The following IPO11 variants were observed in gnomAD, a reference collection of about 807,000 sequenced individuals.
IPO11 encodes the protein importin 11, also known as importin-11.
In IPO11, 66 loss-of-function variants were observed where a neutral mutation model predicts 143.2. The ratio of observed to expected loss-of-function variants is 0.46; its 90% confidence interval spans 0.38 to 0.57. The LOEUF (loss-of-function observed/expected upper bound fraction) is 0.57. Among genes scored for constraint, IPO11 ranks in the 20% least tolerant of loss-of-function variants. The probability of loss-of-function intolerance (pLI) is 0.00; values close to 1 mark genes in which losing one functional copy is unlikely to be tolerated. For missense variants in IPO11, 1,026 were observed against 1,141.0 expected (o/e 0.90, Z 1.45); for synonymous variants, 385 against 377.8 (o/e 1.02, Z -0.22).
chr5:62,567,336 G>GAC (rs891517493), intron 27 of IPO11, among the ~76,000 whole-genome samples: 12 of 151,878 alleles, frequency 7.9e-5, no homozygotes, highest in Non-Finnish European at 1.5e-4. Context: ...TTTTAGGATC[G>GAC]ACTCTTTGTG....
chr5:62,437,202 C>T (rs1033182004), intron 1 of IPO11, 72 bp from the exon 2 acceptor site: 4 of 1,234,954 alleles, frequency 3.2e-6, no homozygotes, highest in Non-Finnish European at 4.5e-6. Flanking sequence ...AGCTTTTTGT[C>T]TCCATTTATT....
At chr5:62,438,091 G>C (rs1224997338) in intron 2 of IPO11, among the ~76,000 whole-genome samples, 1 of 152,144 alleles carries the variant, frequency 6.6e-6, no homozygotes, top group Admixed American at 6.6e-5. Context: ...GGGCAACAAA[G>C]CTCCCCGTTG....
chr5:62,519,774 T>C (rs978601823), intron 20 of IPO11, among the ~76,000 whole-genome samples: 2 of 152,240 alleles, frequency 1.3e-5, no homozygotes, highest in African/African-American at 4.8e-5. Context: ...CAGAGTTTAA[T>C]GGACTGAAAT....
At chr5:62,437,516 A>G in intron 2 of IPO11, 99 bp downstream of exon 2, 1 of 1,055,666 alleles carries the variant, frequency 9.5e-7, no homozygotes, top group Non-Finnish European at 1.3e-6. Flanking sequence ...AGTGAAATAG[A>G]TTCAGATGTT....
At chr5:62,573,210 T>C (rs1239046328) in intron 27 of IPO11, among the ~76,000 whole-genome samples, 1 of 152,158 alleles carries the variant, frequency 6.6e-6, no homozygotes, top group Non-Finnish European at 1.5e-5. Context: ...TTAATTTCTC[T>C]GTCTCATTTT....
chr5:62,493,332 G>A (rs2112241538), intron 15 of IPO11, among the ~76,000 whole-genome samples: 1 of 152,170 alleles, frequency 6.6e-6, no homozygotes, highest in Non-Finnish European at 1.5e-5. Flanking sequence ...TATTTTTGGG[G>A]ACCTTTCCAG....
intron 4 of IPO11, among the ~76,000 whole-genome samples, chr5:62,450,609 T>G (rs1325003667): frequency 6.6e-6 from 1 of 151,872 alleles, no homozygotes; most frequent in East Asian, 1.9e-4. Context: ...GTAGTCTTAC[T>G]GCACAAGAAT....
rs376730561 is a variant in IPO11, at chr5:62,551,228, T to C, written c.2352T>C (p.Tyr784=). ...VFKGIIEGER[Y]PVVMSTYLGV... ...GTTGTATTTTAATTGTACAGAGGTA[T>C]CCTGTAGTGATGTCCACGTATCTTG... Residue 784 remains tyrosine, a synonymous_variant, in exon 26 of 30, where the codon TAT becomes TAC. Coordinates refer to ENST00000325324, the MANE Select transcript of IPO11 (RefSeq NM_016338.5). The C allele has an allele frequency of 2.6e-5, 41 of 1,576,444 alleles. No homozygotes were observed. Among genetic ancestry groups the C allele is most frequent in the Middle Eastern group, 1.7e-4 (1 of 5,750 alleles).
intron 2 of IPO11, among the ~76,000 whole-genome samples, chr5:62,438,775 C>T (rs1376362869): frequency 7.1e-6 from 1 of 140,866 alleles, no homozygotes; most frequent in Non-Finnish European, 1.5e-5. Context: ...GGGGGAGCAG[C>T]GGGGCCAGGT....
At chr5:62,548,890 C>G (rs1743301505) in intron 24 of IPO11, among the ~76,000 whole-genome samples, 1 of 152,050 alleles carries the variant, frequency 6.6e-6, no homozygotes, top group Admixed American at 6.6e-5. Flanking sequence ...TGCTCCCCCT[C>G]TTAAAATTTT....
At chr5:62,548,820 C>T (rs1363672700) in intron 24 of IPO11, among the ~76,000 whole-genome samples, 1 of 152,112 alleles carries the variant, frequency 6.6e-6, no homozygotes, top group Non-Finnish European at 1.5e-5. Flanking sequence ...TCAGTTTCCT[C>T]TTGAATTTCT....
At chr5:62,443,300 TG>T in intron 3 of IPO11, 1 of 430,788 alleles carries the variant, frequency 2.3e-6, no homozygotes, top group Non-Finnish European at 4.1e-6. Flanking sequence ...GCAAAAAAAG[TG>T]TTTACTACTG....
intron 29 of IPO11, among the ~76,000 whole-genome samples, chr5:62,612,730 T>C (rs1025231345): frequency 6.6e-6 from 1 of 152,262 alleles, no homozygotes; most frequent in Non-Finnish European, 1.5e-5. Flanking sequence ...TTAACCCATA[T>C]AAGCAAATAC....
chr5:62,538,839 T>C (rs1264863613), intron 24 of IPO11, among the ~76,000 whole-genome samples: 1 of 152,184 alleles, frequency 6.6e-6, no homozygotes, highest in Non-Finnish European at 1.5e-5. Context: ...CATGACTGTG[T>C]TTTTATTCAC....
Position 62,467,004 on chromosome 5 carries a change from T to G in IPO11, c.517-127T>G. ...ATGAAACATTGCCACAAATATTCTT[T>G]GACTATTTCAGATCTCTCAGAAAAT... On this transcript the variant is annotated intron_variant, in intron 5 of 29. Coordinates refer to ENST00000325324, the MANE Select transcript of IPO11 (RefSeq NM_016338.5). 3 of 838,250 alleles carry G rather than the reference T, an allele frequency of 3.6e-6. No individual in the cohort carries two copies. In the South Asian group the frequency reaches 5.8e-5, roughly 16 times the overall value. 51.9% of individuals were successfully genotyped at this position (838,250 alleles called of 1,614,324 possible).
intron 27 of IPO11, among the ~76,000 whole-genome samples, chr5:62,586,759 AAAAAAAAAAAT>A (rs1195385663): frequency 3.5e-4 from 32 of 91,568 alleles, no homozygotes; most frequent in African/African-American, 1.2e-3. Flanking sequence ...CTCCAAAAAA[AAAAAAAAAAAT>A]ATATATATAT....
At chr5:62,622,684 A>G (rs770627743) in intron 29 of IPO11, among the ~76,000 whole-genome samples, 7 of 152,228 alleles carry the variant, frequency 4.6e-5, no homozygotes, top group Non-Finnish European at 1.0e-4. Context: ...GTAAAGGCAT[A>G]CTAGAGTAAG....
chr5:62,433,398 G>T (rs1187431595), intron 1 of IPO11, among the ~76,000 whole-genome samples: 1 of 152,120 alleles, frequency 6.6e-6, no homozygotes, highest in Non-Finnish European at 1.5e-5. Flanking sequence ...GTTTCCAACT[G>T]TAGGCACGTT....
chr5:62,562,720 A>G (rs1743813919), intron 27 of IPO11, among the ~76,000 whole-genome samples: 1 of 152,196 alleles, frequency 6.6e-6, no homozygotes, highest in Admixed American at 6.5e-5. Flanking sequence ...TAAATTAGTG[A>G]CTTAAGTCCA....
Sources: gnomAD v4.1 joint callset for allele counts (sites outside exome capture counted in the v4.1 genomes callset) on GRCh38, gnomAD v4.1.1 for gene constraint, MANE v1.5 for transcripts, NCBI Gene and HGNC (gene_info 2026-07-23, HGNC 2026-07-21) for gene names.